PLOD2: variants seen among roughly 807,000 people sequenced by gnomAD.
PLOD2 encodes procollagen-lysine,2-oxoglutarate 5-dioxygenase 2, also known as lysine hydroxylase 2.
PLOD2 carries 65 observed loss-of-function variants against 101.0 expected under a neutral mutation model. The ratio of observed to expected loss-of-function variants is 0.64; its 90% CI spans 0.53 to 0.79. The LOEUF (loss-of-function observed/expected upper bound fraction) is 0.79. PLOD2 is among the 30% of genes least tolerant of loss of function. PLOD2 has a pLI of 0.00. For missense variants in PLOD2, 909 were observed against 914.6 expected, an observed-to-expected ratio of 0.99 and a Z score of 0.08; for synonymous variants, 314 against 302.9, an observed-to-expected ratio of 1.04 and a Z score of -0.38.
At chr3:146,149,000 C>A (rs145156390) in intron 1 of PLOD2, among the ~76,000 whole-genome samples, 1 of 152,208 alleles carries the variant, frequency 6.6e-6, no homozygotes, top group Non-Finnish European at 1.5e-5. Context: ...AAGGATGAAA[C>A]TACCCAAACC....
chr3:146,095,560 G>C (rs1225997284), intron 7 of PLOD2, among the ~76,000 whole-genome samples: 3 of 152,126 alleles, frequency 2.0e-5, no homozygotes, highest in Non-Finnish European at 4.4e-5. Flanking sequence ...GGAAATAACG[G>C]ATGCTGGTGA....
chr3:146,085,295 A>G, intron 10 of PLOD2, 22 bp from the exon 11 acceptor site: 1 of 1,155,724 alleles, frequency 8.7e-7, no homozygotes, highest in Non-Finnish European at 1.3e-6. Context: ...AAAGAAAATG[A>G]AATGGGCATG....
At position 146,104,313 on chromosome 3, in the gene PLOD2, T is replaced by C; in HGVS notation, c.645A>G (p.Lys215=). ...CATTTAAGGTCTGGAAAATTTTGCA[T>C]TTGTGATCCAATGTGATGTTAATAG... ...REAINITLDH[K]CKIFQTLNGA... Residue 215 remains lysine (K), a synonymous_variant, in exon 6 of 20, where the codon AAA becomes AAG. Coordinates refer to ENST00000282903, the MANE Select transcript of PLOD2 (RefSeq NM_182943.3). 1 of 1,591,376 alleles carries C rather than the reference T, an allele frequency of 6.3e-7. No homozygotes were observed. The highest frequency in any genetic ancestry group is 8.6e-7 in the Non-Finnish European group (1 of 1,159,382).
rs1322788947 is a variant in PLOD2 at position 146,071,080 on chromosome 3, T to C, written c.2083A>G (p.Ile695Val). 1 of 1,609,198 alleles carries C rather than the reference T, an allele frequency of 6.2e-7. No individual in the cohort carries two copies. ...RPHHDASTFT[I>V]NIALNNVGED... ...CCCACGTTATTAAGTGCAATGTTTA[T>C]GGTAAATGTAGAAGCATCATGATGA... The change falls in exon 19 of 20, where the codon ATA (isoleucine) becomes GTA (valine). Residue 695 changes from isoleucine to valine, a missense_variant. Ile to Val is a conservative substitution (Grantham distance 29, BLOSUM62 3). Transcript: ENST00000282903.
At chr3:146,097,786 A>G (rs1170880766) in intron 7 of PLOD2, among the ~76,000 whole-genome samples, 1 of 59,494 alleles carries the variant, frequency 1.7e-5, no homozygotes, top group East Asian at 5.1e-4. Context: ...AACACCCAAG[A>G]ATGATCAATA....
chr3:146,131,800 C>T (rs766834152), intron 1 of PLOD2, among the ~76,000 whole-genome samples: 8 of 152,054 alleles, frequency 5.3e-5, no homozygotes, highest in Admixed American at 1.3e-4. Flanking sequence ...AAAACTATGA[C>T]GAACTGAAGG....
At chr3:146,159,008 CCA>C (rs1443955446) in intron 1 of PLOD2, among the ~76,000 whole-genome samples, 2 of 152,120 alleles carry the variant, frequency 1.3e-5, no homozygotes, top group Non-Finnish European at 2.9e-5. Context: ...ATAAAATAGA[CCA>C]CAGTCCATGA....
Position 146,071,275 on chromosome 3 carries a change from A to G in PLOD2, c.1995+2T>C. The G allele has an allele frequency of 6.2e-7, 1 of 1,611,900 alleles. No individual in the cohort carries two copies. Among genetic ancestry groups the G allele is most frequent in the Non-Finnish European group, 8.5e-7 (1 of 1,178,560 alleles). ...AGGCTGGAGGGGTGAGAGGATAACTACCTTCGTATAATAGCCTGCAAAGAC... is the reference window on the plus strand; with the variant it reads ...AGGCTGGAGGGGTGAGAGGATAACTGCCTTCGTATAATAGCCTGCAAAGAC... On this transcript the variant is annotated splice_donor_variant, in intron 18 of 19. Transcript: ENST00000282903. LOFTEE classifies it high-confidence loss of function.
At chr3:146,097,006 G>A (rs1204684044) in intron 7 of PLOD2, among the ~76,000 whole-genome samples, 4 of 145,936 alleles carry the variant, frequency 2.7e-5, no homozygotes, top group Admixed American at 6.7e-5. Context: ...AGGTGGGGGG[G>A]TCAGCCCCCC....
At position 146,110,421 on chromosome 3, in the gene PLOD2, T is replaced by A. The variant is rs1937608604; in HGVS notation, c.366A>T (p.Pro122=). The A allele has an allele frequency of 6.2e-7, 1 of 1,613,294 alleles. No individual in the cohort carries two copies. Among genetic ancestry groups the A allele is most frequent in the African/African-American group, 1.3e-5 (1 of 74,884 alleles). The part of the protein sequence containing the change: ...ECFDVIFAGG[P]EEVLKKFQKA... The stretch of plus-strand genomic sequence containing the variant: ...TTTGGAATTTTTTTAGAACTTCTTC[T>A]GGACCACCAGCAAATATGACATCAA... Residue 122 remains proline (P), a synonymous_variant, in exon 4 of 20, where the codon CCA becomes CCT. Transcript: ENST00000282903.
chr3:146,138,105 G>C (rs2031338276), intron 1 of PLOD2, among the ~76,000 whole-genome samples: 1 of 152,128 alleles, frequency 6.6e-6, no homozygotes, highest in South Asian at 2.1e-4. Context: ...AGATGGAGCA[G>C]ATCACAGACC....
intron 3 of PLOD2, among the ~76,000 whole-genome samples, chr3:146,120,041 T>G (rs1246354091): frequency 6.6e-6 from 1 of 152,122 alleles, no homozygotes; most frequent in African/African-American, 2.4e-5. Context: ...ATGGTTGAAC[T>G]AGTTTACAGT....
At position 146,079,079 on chromosome 3, in the gene PLOD2, T is replaced by C. The variant is rs767306138; in HGVS notation, c.1500+37A>G. On this transcript the variant is annotated intron_variant, in intron 13 of 19. Coordinates refer to ENST00000282903, the MANE Select transcript of PLOD2 (RefSeq NM_182943.3). ...CCAACTGGTAAAGCAAGCCATCTTA[T>C]AAGAACATTCAAGCAAGCCATCACT... is the stretch of plus-strand genomic sequence containing the variant. 5.6e-6 allele frequency: 9 copies of C among 1,603,440 alleles called. No homozygotes were observed. The Admixed American group carries it at 8.3e-5, about 15-fold the overall frequency.
At chr3:146,139,601 T>C (rs1215374423) in intron 1 of PLOD2, among the ~76,000 whole-genome samples, 1 of 152,128 alleles carries the variant, frequency 6.6e-6, no homozygotes, top group Non-Finnish European at 1.5e-5. Flanking sequence ...TCCTAAAGTG[T>C]AAAGCTTTTC....
At chr3:146,072,524 C>A (rs1223783095) in intron 17 of PLOD2, 37 bp downstream of exon 17, 1 of 1,242,144 alleles carries the variant, frequency 8.1e-7, no homozygotes. Context: ...TTAACCCCCA[C>A]ATACATTTTA....
At chr3:146,073,212 G>T in intron 16 of PLOD2, 75 bp downstream of exon 16, 1 of 609,714 alleles carries the variant, frequency 1.6e-6, no homozygotes, top group Non-Finnish European at 2.9e-6. Flanking sequence ...CATCTTCTGT[G>T]AAAGTAGTAT....
At chr3:146,111,794 C>G (rs73865307) in intron 3 of PLOD2, among the ~76,000 whole-genome samples, 1,851 of 151,584 alleles carry the variant, frequency 0.012, 42 homozygotes, top group African/African-American at 0.042. Flanking sequence ...AACTGATTTC[C>G]TCAACCGGAT....
chr3:146,118,697 AAG>A (rs1290923159), intron 3 of PLOD2, among the ~76,000 whole-genome samples: 1 of 152,184 alleles, frequency 6.6e-6, no homozygotes, highest in African/African-American at 2.4e-5. Context: ...GATGGCAAAA[AAG>A]AGTGGATATT....
chr3:146,148,167 C>T (rs2108135922), intron 1 of PLOD2, among the ~76,000 whole-genome samples: 1 of 152,068 alleles, frequency 6.6e-6, no homozygotes, highest in South Asian at 2.1e-4. Flanking sequence ...TATAAAAAGA[C>T]ATACTTGAGA....
Sources: gnomAD v4.1 joint callset for allele counts (sites outside exome capture counted in the v4.1 genomes callset) on GRCh38, gnomAD v4.1.1 for gene constraint, MANE v1.5 for transcripts, NCBI Gene and HGNC (gene_info 2026-07-23, HGNC 2026-07-21) for gene names.